The following SLC4A4 variants were observed in gnomAD, a reference collection of about 807,000 sequenced individuals.
The protein encoded by SLC4A4 is electrogenic sodium bicarbonate cotransporter 1.
SLC4A4 carries 27 observed loss-of-function variants against 111.5 expected under a neutral mutation model. The ratio of observed to expected loss-of-function variants is 0.24; its 90% CI spans 0.18 to 0.33. SLC4A4 has a LOEUF of 0.33. Among genes scored for constraint, SLC4A4 ranks in the 10% least tolerant of loss-of-function variants. SLC4A4 has a pLI of 1.00. For missense variants in SLC4A4, 909 were observed against 1,315.5 expected (o/e 0.69, Z 4.78); for synonymous variants, 443 against 463.4 (o/e 0.96, Z 0.57).
At chr4:71,166,543 G>C (rs1187407301) in intron 2 of SLC4A4, among the ~76,000 whole-genome samples, 1 of 152,148 alleles carries the variant, frequency 6.6e-6, no homozygotes, top group Non-Finnish European at 1.5e-5. Flanking sequence ...TCCATAAGCA[G>C]TCTATTTTAT....
intron 1 of SLC4A4, among the ~76,000 whole-genome samples, chr4:71,193,284 C>G (rs531617887): frequency 1.3e-5 from 2 of 152,154 alleles, no homozygotes; most frequent in Non-Finnish European, 2.9e-5. Context: ...CTCAGCCTCC[C>G]GAGTAGCTGG....
chr4:71,501,101 T>C (rs1281288787), intron 16 of SLC4A4, among the ~76,000 whole-genome samples: 1 of 152,212 alleles, frequency 6.6e-6, no homozygotes, highest in Non-Finnish European at 1.5e-5. Flanking sequence ...AGGATATCTT[T>C]CCATTTACTC....
At chr4:71,367,377 G>A (rs943971321) in intron 6 of SLC4A4, among the ~76,000 whole-genome samples, 1 of 152,162 alleles carries the variant, frequency 6.6e-6, no homozygotes, top group Non-Finnish European at 1.5e-5. Context: ...AGTTTCCTTT[G>A]TATTATCAGC....
chr4:71,537,409 ATGTGTGTATATATACATATATG>A (rs1373938432), intron 18 of SLC4A4, among the ~76,000 whole-genome samples: 1 of 130,824 alleles, frequency 7.6e-6, no homozygotes, highest in African/African-American at 2.9e-5. Context: ...TTATACATAT[ATGTGTGTATATATACATATATG>A]TGTGTGTGTG....
chr4:71,484,956 T>C (rs922587801), intron 14 of SLC4A4, among the ~76,000 whole-genome samples: 1 of 151,824 alleles, frequency 6.6e-6, no homozygotes, highest in Admixed American at 6.6e-5. Flanking sequence ...TGTTAATATT[T>C]AGGAATGCTA....
intron 8 of SLC4A4, among the ~76,000 whole-genome samples, chr4:71,445,750 T>C (rs1013475400): frequency 1.3e-5 from 2 of 152,214 alleles, no homozygotes; most frequent in African/African-American, 4.8e-5. Context: ...AGCATTATTT[T>C]GCTTTAATCA....
intron 3 of SLC4A4, among the ~76,000 whole-genome samples, chr4:71,269,311 T>C (rs1488264181): frequency 6.6e-6 from 1 of 152,200 alleles, no homozygotes; most frequent in African/African-American, 2.4e-5. Flanking sequence ...CCTTTGAAAG[T>C]GTGTTGCCTT....
At chr4:71,426,325 T>C (rs149853983) in intron 7 of SLC4A4, among the ~76,000 whole-genome samples, 3 of 152,176 alleles carry the variant, frequency 2.0e-5, no homozygotes, top group African/African-American at 7.2e-5. Flanking sequence ...ATTTAGATGG[T>C]TGTGGGGCTT....
At chr4:71,445,749 T>C (rs746306319) in intron 8 of SLC4A4, among the ~76,000 whole-genome samples, 8 of 152,190 alleles carry the variant, frequency 5.3e-5, no homozygotes, top group Non-Finnish European at 1.2e-4. Flanking sequence ...AAGCATTATT[T>C]TGCTTTAATC....
chr4:71,559,393 A>T (rs1736755296), intron 22 of SLC4A4, among the ~76,000 whole-genome samples: 1 of 151,872 alleles, frequency 6.6e-6, no homozygotes, highest in Non-Finnish European at 1.5e-5. Context: ...ATCTGGGTTC[A>T]TCTCCCTCAC....
At chr4:71,083,621 C>T (rs79633113) in intron 1 of SLC4A4, among the ~76,000 whole-genome samples, 4,988 of 151,992 alleles carry the variant, frequency 0.033, 115 homozygotes, top group Middle Eastern at 0.068. Flanking sequence ...AGCCCTGAAA[C>T]GATGACCTGA....
At chr4:71,068,544 G>C (rs559448229) in intron 1 of SLC4A4, among the ~76,000 whole-genome samples, 2 of 151,656 alleles carry the variant, frequency 1.3e-5, no homozygotes, top group Admixed American at 6.6e-5. Flanking sequence ...GTTTTGTCAG[G>C]GCAACCTTTT....
intron 16 of SLC4A4, among the ~76,000 whole-genome samples, chr4:71,521,774 A>G (rs1308293915): frequency 1.3e-5 from 2 of 152,244 alleles, no homozygotes; most frequent in African/African-American, 2.4e-5. Flanking sequence ...TAGAGGATGA[A>G]TCTGGTGTGA....
intron 20 of SLC4A4, among the ~76,000 whole-genome samples, chr4:71,551,039 T>G (rs944496547): frequency 6.6e-6 from 1 of 151,836 alleles, no homozygotes; most frequent in Non-Finnish European, 1.5e-5. Context: ...GTTAAACAGC[T>G]TAGTTCTGTG....
intron 1 of SLC4A4, among the ~76,000 whole-genome samples, chr4:71,073,385 A>C (rs1484961996): frequency 6.6e-6 from 1 of 152,216 alleles, no homozygotes; most frequent in Non-Finnish European, 1.5e-5. Flanking sequence ...AAAAGGCTAT[A>C]AAATATGCTT....
chr4:71,441,769 C>T (rs1401475262), intron 8 of SLC4A4, among the ~76,000 whole-genome samples: 2 of 152,158 alleles, frequency 1.3e-5, no homozygotes, highest in African/African-American at 2.4e-5. Flanking sequence ...TATTCTTCCT[C>T]ATCATACAGG....
At chr4:71,541,368 G>C (rs1735038307) in intron 18 of SLC4A4, among the ~76,000 whole-genome samples, 1 of 152,206 alleles carries the variant, frequency 6.6e-6, no homozygotes, top group Middle Eastern at 3.4e-3. Context: ...TTGGTTGCTG[G>C]ATGGTGTGAA....
intron 14 of SLC4A4, 63 bp from the exon 15 acceptor site, chr4:71,486,885 A>C: frequency 1.0e-6 from 1 of 966,146 alleles, no homozygotes; most frequent in Non-Finnish European, 1.6e-6. Context: ...ATACCTAATT[A>C]TGCATTTAAG....
chr4:71,066,249 C>T (rs1012719396), intron 1 of SLC4A4, among the ~76,000 whole-genome samples: 1 of 152,150 alleles, frequency 6.6e-6, no homozygotes, highest in African/African-American at 2.4e-5. Context: ...GATCCAAAGC[C>T]TCTGATGTTT....
Sources: allele counts gnomAD v4.1 joint callset (sites outside exome capture counted in the v4.1 genomes callset), GRCh38; gene constraint gnomAD v4.1.1; transcripts MANE v1.5; gene names NCBI Gene and HGNC (gene_info 2026-07-23, HGNC 2026-07-21).